The following PRSS21 variants were observed in gnomAD, a reference collection of about 807,000 sequenced individuals.
PRSS21 encodes serine protease 21.
A neutral mutation model predicts 31.1 loss-of-function variants in PRSS21; 40 were observed. The observed-to-expected ratio is 1.29, with a 90% CI of 1.00 to 1.68. The LOEUF (loss-of-function observed/expected upper bound fraction) is 1.68, where lower values mean the gene tolerates loss of function less well. PRSS21 is among the 40% of genes most tolerant of loss of function. The probability of loss-of-function intolerance (pLI) is 0.00; values close to 1 mark genes in which losing one functional copy is unlikely to be tolerated. For synonymous variants in PRSS21, 186 were observed against 167.7 expected (o/e 1.11, Z -0.84); for missense variants, 467 against 412.6 (o/e 1.13, Z -1.14).
chr16:2,817,833 A>T lies in PRSS21; in HGVS notation c.124A>T (p.Ile42Phe). 2 of 1,551,220 alleles carry T rather than the reference A, an allele frequency of 1.3e-6. No individual in the cohort carries two copies. Among genetic ancestry groups the T allele is most frequent in the Non-Finnish European group, 1.7e-6 (2 of 1,147,466 alleles). ...CGGCCGACGGGTCATCACGTCGCGC[A>T]TCGTGGGTGGAGAGGACGCCGAACT... ...PCGRRVITSR[I>F]VGGEDAELGR... is the part of the protein sequence containing the mutation. Residue 42 changes from isoleucine (I) to phenylalanine (F), a missense_variant, in exon 3 of 6, where the codon ATC (isoleucine) becomes TTC (phenylalanine). By Grantham distance (21) the Ile-to-Phe change is conservative (BLOSUM62 0). Coordinates refer to ENST00000005995, the MANE Select transcript of PRSS21 (RefSeq NM_006799.4). This position sits in a 1 kb window ranked among gnomAD's most constrained non-coding sequence, Gnocchi z 4.2.
chr16:2,817,619 G>A lies in PRSS21; in HGVS notation c.91+163G>A. ...TAACTAACGGACGCTGGAGGGGGAT[G>A]GGCGGGCCCTGCAGAGCACGTGGGA... On this transcript the variant is annotated intron_variant, in intron 2 of 5. Coordinates refer to ENST00000005995, the MANE Select transcript of PRSS21 (RefSeq NM_006799.4). This position sits in a 1 kb window ranked among gnomAD's most constrained non-coding sequence, Gnocchi z 4.2. The A allele has an allele frequency of 7.8e-7, 1 of 1,280,144 alleles. No individual in the cohort carries two copies. The highest frequency in any genetic ancestry group is 1.1e-6 in the Non-Finnish European group (1 of 945,306). 79.3% of individuals were successfully genotyped at this position (1,280,144 alleles called of 1,614,324 possible).
chr16:2,818,303 TAC>T (rs2069114050), intron 3 of PRSS21, among the ~76,000 whole-genome samples: 2 of 152,146 alleles, frequency 1.3e-5, no homozygotes, highest in Non-Finnish European at 2.9e-5. Context: ...GACGGTGCGG[TAC>T]AGTGTGGGGC....
At position 2,818,921 on chromosome 16, in the gene PRSS21, C is replaced by T. The variant is rs775054914; in HGVS notation, c.502C>T (p.Arg168Trp). Residue 168 changes from arginine (R) to tryptophan (W), a missense_variant, in exon 4 of 6, where the codon CGG becomes TGG. Transcript: ENST00000005995. The part of the protein sequence containing the change: ...LQASTFEFEN[R>W]TDCWVTGWGY... Reference sequence around the variant, plus strand: ...GGCCTCCACATTTGAGTTTGAGAACCGGACAGACTGCTGGGTGACTGGCTG... The same window carrying T: ...GGCCTCCACATTTGAGTTTGAGAACTGGACAGACTGCTGGGTGACTGGCTG... 162 of 1,614,082 alleles carry T rather than the reference C, an allele frequency of 1.0e-4. No homozygotes were observed. The highest frequency in any genetic ancestry group is 1.6e-4 in the Middle Eastern group (1 of 6,084).
Position 2,817,464 on chromosome 16 carries a change from G to A in PRSS21, c.91+8G>A, listed in dbSNP as rs778584032. ...AGGCGGCGCCGTTATCAGGTAGGGC[G>A]CCCAGGACGCGCGATTCCTGCCAGG... On this transcript the variant is annotated splice_region_variant and intron_variant, in intron 2 of 5. Transcript: ENST00000005995. The surrounding 1 kb of genome is among the most constrained non-coding windows in gnomAD (Gnocchi z 4.2). 3.2e-6 allele frequency: 5 copies of A among 1,546,590 alleles called. No individual in the cohort carries two copies. Among genetic ancestry groups the A allele is most frequent in the Admixed American group, 1.7e-5 (1 of 57,318 alleles).
At position 2,818,852 on chromosome 16, in the gene PRSS21, G is replaced by C. The variant is rs139471830; in HGVS notation, c.433G>C (p.Ala145Pro). ...TGACATTGCCTTGGTGAAGCTGTCT[G>C]CACCTGTCACCTACACTAAACACAT... is the stretch of plus-strand genomic sequence containing the variant. ...PYDIALVKLS[A>P]PVTYTKHIQP... The change falls in exon 4 of 6, where the codon GCA becomes CCA. Residue 145 changes from alanine (A) to proline (P), a missense_variant. By Grantham distance (27) the Ala-to-Pro change is conservative. Coordinates refer to ENST00000005995, the MANE Select transcript of PRSS21 (RefSeq NM_006799.4). 40 of 1,614,036 alleles carry C rather than the reference G, an allele frequency of 2.5e-5. No individual in the cohort carries two copies. In the African/African-American group the frequency reaches 5.2e-4, roughly 21 times the overall value.
Position 2,817,317 on chromosome 16 carries a change from G to A in PRSS21, c.49G>A (p.Gly17Arg), listed in dbSNP as rs767462795. The stretch of plus-strand genomic sequence containing the variant: ...GCTGGCGCTGCTGCTGGCTCGGGCT[G>A]GACTCAGGAAGCCGGGTGAGCTCGG... ...LLLALLLARAGLRKPESQEAA... is the reference protein window; with the variant it reads ...LLLALLLARARLRKPESQEAA... The change falls in exon 1 of 6, where the codon GGA becomes AGA. Residue 17 changes from glycine (G) to arginine (R), a missense_variant. Gly to Arg is a moderately radical substitution (Grantham distance 125, BLOSUM62 -2). Transcript: ENST00000005995. This position sits in a 1 kb window ranked among gnomAD's most constrained non-coding sequence, Gnocchi z 4.2. 2 of 1,546,852 alleles carry A rather than the reference G, an allele frequency of 1.3e-6. No homozygotes were observed. The highest frequency in any genetic ancestry group is 1.4e-5 in the African/African-American group (1 of 73,222).
chr16:2,818,722 C>T lies in PRSS21; in HGVS notation c.303C>T (p.Gly101=), dbSNP rs374437810. 6.2e-7 allele frequency: 1 copy of T among 1,614,176 alleles called. No individual in the cohort carries two copies. The highest frequency in any genetic ancestry group is 1.7e-5 in the Admixed American group (1 of 60,030). Reference sequence around the variant, plus strand: ...CCTCCGGGTGGATGGTCCAGTTTGGCCAGCTGACTTCCATGCCATCCTTCT... The same window carrying T: ...CCTCCGGGTGGATGGTCCAGTTTGGTCAGCTGACTTCCATGCCATCCTTCT... ...SDPSGWMVQF[G]QLTSMPSFWS... The change falls in exon 4 of 6, where the codon GGC becomes GGT. Residue 101 remains glycine, a synonymous_variant. Coordinates refer to ENST00000005995, the MANE Select transcript of PRSS21 (RefSeq NM_006799.4).
chr16:2,818,478 G>C (rs1471904129), intron 3 of PRSS21, among the ~76,000 whole-genome samples, 199 bp from the exon 4 acceptor site: 1 of 152,178 alleles, frequency 6.6e-6, no homozygotes, highest in African/African-American at 2.4e-5. Context: ...GAGGTGACAA[G>C]ACCCCACCCT....
At position 2,817,267 on chromosome 16, in the gene PRSS21, C is replaced by T; in HGVS notation, c.-2C>T. ...GGGCGTCAGGCCGCGGGAGAGGAGG[C>T]CATGGGCGCGCGCGGGGCGCTGCTG... On this transcript the variant is annotated 5_prime_UTR_variant, in exon 1 of 6. Transcript: ENST00000005995. This position sits in a 1 kb window ranked among gnomAD's most constrained non-coding sequence, Gnocchi z 4.2. 6.5e-7 allele frequency: 1 copy of T among 1,531,050 alleles called. No homozygotes were observed. Among genetic ancestry groups the T allele is most frequent in the Non-Finnish European group, 8.7e-7 (1 of 1,143,124 alleles). 94.8% of individuals were successfully genotyped at this position (1,531,050 alleles called of 1,614,324 possible).
chr16:2,820,869 G>T, intron 4 of PRSS21, 86 bp from the exon 5 acceptor site: 1 of 1,429,842 alleles, frequency 7.0e-7, no homozygotes, highest in Non-Finnish European at 9.6e-7. Flanking sequence ...GGGTGCCCCA[G>T]GGCCCCCACC....
chr16:2,819,915 C>T (rs2238461), intron 4 of PRSS21, among the ~76,000 whole-genome samples: 6,175 of 152,260 alleles, frequency 0.041, 299 homozygotes, highest in African/African-American at 0.11. Context: ...GCACTGGAGC[C>T]GCCTCCCTCT....
chr16:2,821,247 C>A, intron 5 of PRSS21, 119 bp from the exon 6 acceptor site: 1 of 1,533,016 alleles, frequency 6.5e-7, no homozygotes, highest in South Asian at 1.2e-5. Context: ...TGGCTGCTGC[C>A]AGGGGGAGGA....
In PRSS21 at chr16:2,821,494, T is replaced by G. The variant is rs958494031; in HGVS notation, c.834T>G (p.Phe278Leu). ...PGVYTNISHH[F>L]EWIQKLMAQS... ...TCTACACCAATATCAGCCACCACTT[T>G]GAGTGGATCCAGAAGCTGATGGCCC... Residue 278 changes from phenylalanine to leucine, a missense_variant, in exon 6 of 6, where the codon TTT becomes TTG. By Grantham distance (22) the Phe-to-Leu change is conservative. Transcript: ENST00000005995. The G allele has an allele frequency of 1.9e-6, 3 of 1,614,120 alleles. No homozygotes were observed. In the African/African-American group the frequency reaches 4.0e-5, roughly 22 times the overall value.
chr16:2,817,976 G>T lies in PRSS21; in HGVS notation c.257+10G>T. The T allele has an allele frequency of 1.3e-6, 2 of 1,545,590 alleles. No individual in the cohort carries two copies. The highest frequency in any genetic ancestry group is 1.7e-6 in the Non-Finnish European group (2 of 1,145,158). On this transcript the variant is annotated intron_variant, in intron 3 of 5. Transcript: ENST00000005995. The surrounding 1 kb of genome is among the most constrained non-coding windows in gnomAD (Gnocchi z 4.2). ...CGCACTGCTTTGAAACGTGAGTGGG[G>T]GTGCGAACGGAGGGGTGCGGGGACG...
chr16:2,821,693 T>C lies in PRSS21; in HGVS notation c.*88T>C. On this transcript the variant is annotated 3_prime_UTR_variant, in exon 6 of 6. Coordinates refer to ENST00000005995, the MANE Select transcript of PRSS21 (RefSeq NM_006799.4). ...TGTTTGGTAATAAACACATTCCAGT[T>C]GATGCCTTGCAGGGCATTCTTCAAA... 6.7e-7 allele frequency: 1 copy of C among 1,488,284 alleles called. No individual in the cohort carries two copies. Among genetic ancestry groups the C allele is most frequent in the Non-Finnish European group, 9.1e-7 (1 of 1,100,644 alleles). 92.2% of individuals were successfully genotyped at this position (1,488,284 alleles called of 1,614,324 possible).
At position 2,817,991 on chromosome 16, in the gene PRSS21, G is replaced by T. The variant is rs1290238595; in HGVS notation, c.257+25G>T. On this transcript the variant is annotated intron_variant, in intron 3 of 5. Transcript: ENST00000005995. This position sits in a 1 kb window ranked among gnomAD's most constrained non-coding sequence, Gnocchi z 4.2. ...CGTGAGTGGGGGTGCGAACGGAGGG[G>T]TGCGGGGACGGGCAGGAACAGGGCT... 65 of 1,538,342 alleles carry T rather than the reference G, an allele frequency of 4.2e-5. No individual in the cohort carries two copies. Among genetic ancestry groups the T allele is most frequent in the Non-Finnish European group, 5.0e-5 (57 of 1,141,444 alleles).
At position 2,817,797 on chromosome 16, in the gene PRSS21, C is replaced by T. The variant is rs1380786451; in HGVS notation, c.92-4C>T. 6.5e-7 allele frequency: 1 copy of T among 1,549,232 alleles called. No homozygotes were observed. Among genetic ancestry groups the T allele is most frequent in the East Asian group, 2.4e-5 (1 of 40,920 alleles). On this transcript the variant is annotated splice_region_variant and splice_polypyrimidine_tract_variant and intron_variant, in intron 2 of 5. Transcript: ENST00000005995. This position sits in a 1 kb window ranked among gnomAD's most constrained non-coding sequence, Gnocchi z 4.2. ...CGGCTCAGCAGTTCCTCTGACCATC[C>T]GAGGACCATGCGGCCGACGGGTCAT...
At position 2,817,331 on chromosome 16, in the gene PRSS21, G is replaced by T. The variant is rs1182004593; in HGVS notation, c.63G>T (p.Pro21=). Residue 21 remains proline, a splice_region_variant and synonymous_variant, in exon 1 of 6, where the codon CCG becomes CCT. Transcript: ENST00000005995. The surrounding 1 kb of genome is among the most constrained non-coding windows in gnomAD (Gnocchi z 4.2). ...LLLARAGLRK[P]ESQEAAPLSG... is the part of the protein sequence containing the mutation. ...TGGCTCGGGCTGGACTCAGGAAGCC[G>T]GGTGAGCTCGGGGCGCTGCTGGCGG... 1 of 1,553,846 alleles carries T rather than the reference G, an allele frequency of 6.4e-7. No individual in the cohort carries two copies. Among genetic ancestry groups the T allele is most frequent in the Admixed American group, 1.9e-5 (1 of 53,832 alleles).
In PRSS21 at chr16:2,818,936, G is replaced by C; in HGVS notation, c.517G>C (p.Val173Leu). 1.2e-6 allele frequency: 2 copies of C among 1,614,232 alleles called. No individual in the cohort carries two copies. Among genetic ancestry groups the C allele is most frequent in the Non-Finnish European group, 1.7e-6 (2 of 1,180,024 alleles). Residue 173 changes from valine (V) to leucine (L), a missense_variant, in exon 4 of 6, where the codon GTG becomes CTG. Physicochemically the swap from Val to Leu is conservative, Grantham distance 32 (BLOSUM62 1). Coordinates refer to ENST00000005995, the MANE Select transcript of PRSS21 (RefSeq NM_006799.4). ...FEFENRTDCWVTGWGYIKEDE... is the reference protein window; with the variant it reads ...FEFENRTDCWLTGWGYIKEDE... Reference sequence around the variant, plus strand: ...GTTTGAGAACCGGACAGACTGCTGGGTGACTGGCTGGGGGTACATCAAAGA... The same window carrying C: ...GTTTGAGAACCGGACAGACTGCTGGCTGACTGGCTGGGGGTACATCAAAGA...
Sources: gnomAD v4.1 joint callset for allele counts (sites outside exome capture counted in the v4.1 genomes callset) on GRCh38, gnomAD v4.1.1 for gene constraint, Gnocchi (gnomAD v3.1) non-coding constraint, MANE v1.5 for transcripts, NCBI Gene and HGNC (gene_info 2026-07-23, HGNC 2026-07-21) for gene names.